AMN1: variants seen among roughly 807,000 people sequenced by gnomAD.
AMN1 encodes antagonist of mitotic exit network 1 homolog, also known as protein AMN1 homolog.
A neutral mutation model predicts 33.0 loss-of-function variants in AMN1; 20 were observed. The ratio of observed to expected loss-of-function variants is 0.61; its 90% CI spans 0.43 to 0.88. AMN1 has a LOEUF of 0.88. AMN1 is among the 40% of genes least tolerant of loss of function. The pLI is 0.00. For missense variants in AMN1, 246 were observed against 307.4 expected (o/e 0.80, Z 1.49); for synonymous variants, 114 against 111.9 (o/e 1.02, Z -0.12).
At chr12:31,680,095 G>C (rs554593805) in intron 6 of AMN1, among the ~76,000 whole-genome samples, 20,067 of 147,960 alleles carry the variant, frequency 0.14, 1,571 homozygotes, top group East Asian at 0.27. Flanking sequence ...TACACTCCAG[G>C]CGGCAACAAA....
intron 1 of AMN1, chr12:31,715,524 T>C (rs564901955): frequency 2.4e-4 from 41 of 170,758 alleles, no homozygotes; most frequent in Non-Finnish European, 2.5e-4. Flanking sequence ...TGTTCTTTTA[T>C]TGATTTCTGA....
rs981088572 is a variant in AMN1, at chr12:31,687,634, G to T, written c.703+1373C>A. 6.6e-6 allele frequency among the ~76,000 whole-genome samples: 1 copy of T among 151,260 alleles called. No homozygotes were observed. Among genetic ancestry groups the T allele is most frequent in the African/African-American group, 2.4e-5 (1 of 41,046 alleles). ...GAAGGCAGAGGTTGCAGTGAGCCAA[G>T]ATTGCACCACTGCACTCCAGCCTCG... On this transcript the variant is annotated intron_variant, in intron 6 of 6. Transcript: ENST00000281471. This position sits in a 1 kb window ranked among gnomAD's most constrained non-coding sequence, Gnocchi z 4.1.
At chr12:31,674,493 C>G (rs746234991) in intron 6 of AMN1, among the ~76,000 whole-genome samples, 2 of 151,852 alleles carry the variant, frequency 1.3e-5, no homozygotes, top group African/African-American at 4.8e-5. Context: ...CTTTTAAGGA[C>G]CCTTATGATT....
At chr12:31,678,312 T>C (rs181713696) in intron 6 of AMN1, among the ~76,000 whole-genome samples, 3 of 152,142 alleles carry the variant, frequency 2.0e-5, no homozygotes, top group Admixed American at 1.3e-4. Context: ...TATGACAATA[T>C]AGATGGAGAG....
chr12:31,688,386 T>C (rs6488001), intron 6 of AMN1, among the ~76,000 whole-genome samples: 146,281 of 152,336 alleles, frequency 0.96, 70,529 homozygotes, highest in East Asian at 1. Flanking sequence ...TGAACACAAC[T>C]ACTGCTGCCA....
rs564162932 is a variant in AMN1, at chr12:31,697,727, A to G, written c.534+13T>C. On this transcript the variant is annotated intron_variant, in intron 4 of 6. Transcript: ENST00000281471. ...CACATAGTCTATATGTTTGTAGCCTATATGTCATTTACCTGAGTAGCTGAA... is the reference window on the plus strand; with the variant it reads ...CACATAGTCTATATGTTTGTAGCCTGTATGTCATTTACCTGAGTAGCTGAA... 3 of 1,609,228 alleles carry G rather than the reference A, an allele frequency of 1.9e-6. No individual in the cohort carries two copies. Among genetic ancestry groups the G allele is most frequent in the Admixed American group, 1.7e-5 (1 of 60,000 alleles).
chr12:31,677,377 G>A (rs1448000466), intron 6 of AMN1, among the ~76,000 whole-genome samples: 1 of 152,172 alleles, frequency 6.6e-6, no homozygotes, highest in African/African-American at 2.4e-5. Context: ...CTAATCACCC[G>A]ACTGATGCTT....
At chr12:31,699,092 C>T (rs1938865167) in intron 3 of AMN1, among the ~76,000 whole-genome samples, 1 of 151,850 alleles carries the variant, frequency 6.6e-6, no homozygotes, top group Non-Finnish European at 1.5e-5. Flanking sequence ...GGGGATTAAG[C>T]TCTATAAAAA....
At chr12:31,727,919 GC>G (rs1940144111) in intron 1 of AMN1, among the ~76,000 whole-genome samples, 1 of 152,046 alleles carries the variant, frequency 6.6e-6, no homozygotes, top group African/African-American at 2.4e-5. Context: ...TTTAGTACAT[GC>G]CGCGGTTTTG....
intron 2 of AMN1, among the ~76,000 whole-genome samples, chr12:31,704,129 T>A (rs946300659): frequency 1.3e-5 from 2 of 152,214 alleles, no homozygotes; most frequent in African/African-American, 4.8e-5. Context: ...ATCTTTAGAA[T>A]TTTTAATAAT....
chr12:31,726,119 C>T (rs909927197), intron 1 of AMN1, among the ~76,000 whole-genome samples: 1 of 152,114 alleles, frequency 6.6e-6, no homozygotes, highest in Non-Finnish European at 1.5e-5. Flanking sequence ...AGTCTAATCA[C>T]CATTCTACCT....
chr12:31,692,390 GA>G (rs1462117620), intron 5 of AMN1, among the ~76,000 whole-genome samples: 6 of 150,964 alleles, frequency 4.0e-5, no homozygotes, highest in African/African-American at 1.5e-4. Flanking sequence ...CCGGGAGGTG[GA>G]GGTTGCAGTG....
At chr12:31,702,798 C>T (rs1335355460) in intron 2 of AMN1, among the ~76,000 whole-genome samples, 22 of 152,114 alleles carry the variant, frequency 1.4e-4, no homozygotes, top group African/African-American at 2.4e-5. Context: ...AGTGCAATGG[C>T]GTGATCTCGG....
At position 31,671,688 on chromosome 12, in the gene AMN1, A is replaced by C. The variant is rs1373893070; in HGVS notation, c.*616T>G. 1 of 152,196 alleles carries C rather than the reference A, an allele frequency of 6.6e-6. No homozygotes were observed. Among genetic ancestry groups the C allele is most frequent in the Admixed American group, 6.5e-5 (1 of 15,276 alleles). The allele number at this position is 152,196 out of a possible 1,614,324, so 9.4% of individuals were successfully genotyped here. On this transcript the variant is annotated 3_prime_UTR_variant, in exon 7 of 7. Transcript: ENST00000281471. ...AATGTAACTGGGAAGAGTAGCCATA[A>C]AAATCAATGAATGGATGTGGCTGGG...
chr12:31,702,988 T>A (rs1939073525), intron 2 of AMN1, among the ~76,000 whole-genome samples: 1 of 152,186 alleles, frequency 6.6e-6, no homozygotes, highest in Admixed American at 6.5e-5. Flanking sequence ...CTGCCCGCCT[T>A]GGCCTCCCAA....
chr12:31,709,524 G>T, intron 1 of AMN1, 99 bp from the exon 2 acceptor site: 2 of 1,428,424 alleles, frequency 1.4e-6, no homozygotes, highest in Non-Finnish European at 9.3e-7. Flanking sequence ...TTTCATAAAA[G>T]TGTGTACATT....
At chr12:31,727,254 G>C (rs774315283) in intron 1 of AMN1, among the ~76,000 whole-genome samples, 1 of 152,176 alleles carries the variant, frequency 6.6e-6, no homozygotes, top group African/African-American at 2.4e-5. Context: ...ATCTTCATGT[G>C]TCTCCTGGTT....
rs745836760 is a variant in AMN1 at position 31,672,422 on chromosome 12, T to A, written c.704-45A>T. On this transcript the variant is annotated intron_variant, in intron 6 of 6. Transcript: ENST00000281471. ...CAATATATTAATTGACAATAAAAAA[T>A]GTTTAATGTTTCCTCATGTCTAACT... 9.7e-6 allele frequency: 13 copies of A among 1,345,284 alleles called. No individual in the cohort carries two copies. The South Asian group carries it at 1.6e-4, about 17-fold the overall frequency. The allele number at this position is 1,345,284 out of a possible 1,614,324, so 83.3% of individuals were successfully genotyped here.
chr12:31,702,075 A>C, intron 2 of AMN1, 68 bp from the exon 3 acceptor site: 1 of 1,386,464 alleles, frequency 7.2e-7, no homozygotes, highest in South Asian at 1.4e-5. Flanking sequence ...TTCCATATTC[A>C]GTGTTTTGGT....
Sources: gnomAD v4.1 joint callset for allele counts (sites outside exome capture counted in the v4.1 genomes callset) on GRCh38, gnomAD v4.1.1 for gene constraint, Gnocchi (gnomAD v3.1) non-coding constraint, MANE v1.5 for transcripts, NCBI Gene and HGNC (gene_info 2026-07-23, HGNC 2026-07-21) for gene names.